Variants in STARD13 observed in about 807,000 individuals in gnomAD.
STARD13 encodes StAR related lipid transfer domain containing 13.
A neutral mutation model predicts 106.4 loss-of-function variants in STARD13; 62 were observed. The ratio of observed to expected loss-of-function variants is 0.58; its 90% CI spans 0.48 to 0.72. The LOEUF is 0.72. Ranked by LOEUF, STARD13 falls within the 30% of genes least tolerant of loss-of-function variation. The pLI, the probability that STARD13 is intolerant of heterozygous loss-of-function variation, is 0.00. For missense variants in STARD13, 1,387 were observed against 1,424.0 expected (o/e 0.97, Z 0.42); for synonymous variants, 565 against 553.0 (o/e 1.02, Z -0.31).
At chr13:33,226,132 C>T (rs957738529) in intron 1 of STARD13, among the ~76,000 whole-genome samples, 6 of 152,244 alleles carry the variant, frequency 3.9e-5, no homozygotes, top group African/African-American at 1.4e-4. Flanking sequence ...TGCTGGCATG[C>T]TGATATCAGA....
the STARD13 span, among the ~76,000 whole-genome samples, chr13:33,592,238 G>T: frequency 2.0e-5 from 3 of 152,114 alleles, no homozygotes; most frequent in African/African-American, 7.2e-5. Flanking sequence ...ATAAGTTTTT[G>T]GTTTTCCATG....
chr13:33,413,010 C>G, the STARD13 span, among the ~76,000 whole-genome samples: 2 of 152,282 alleles, frequency 1.3e-5, no homozygotes, highest in East Asian at 3.9e-4. Context: ...TAGACCTCAT[C>G]ATGGGCTGTA....
the STARD13 span, among the ~76,000 whole-genome samples, chr13:33,485,554 T>C: frequency 1.3e-5 from 2 of 152,284 alleles, no homozygotes; most frequent in East Asian, 1.9e-4. Flanking sequence ...TTGTGCTACA[T>C]GAAGATATTG....
chr13:33,524,669 C>T, the STARD13 span, among the ~76,000 whole-genome samples: 3 of 151,824 alleles, frequency 2.0e-5, no homozygotes, highest in Admixed American at 2.0e-4. Context: ...TTTTTTAAAA[C>T]TTTAAAAACA....
At position 33,208,663 on chromosome 13, in the gene STARD13, CCA is replaced by C. The variant is rs1566075032; in HGVS notation, c.170-41043_170-41042del. Among the ~76,000 whole-genome samples, 12 of 152,162 alleles carry C rather than the reference CCA, an allele frequency of 7.9e-5. No individual in the cohort carries two copies. In the East Asian group the frequency reaches 2.3e-3, roughly 30 times the overall value. ...TAAAGGGAAGCGTAGGCAGATGGCT[CCA>C]CTCAGGAGGCTATGGCAATTATTTC... On this transcript the variant is annotated intron_variant, in intron 1 of 13. Transcript: ENST00000336934.
the STARD13 span, among the ~76,000 whole-genome samples, chr13:33,367,095 T>TA: frequency 6.6e-6 from 1 of 152,220 alleles, no homozygotes; most frequent in Admixed American, 6.5e-5. Context: ...ATGGCAGCAT[T>TA]AACAGCATGC....
intron 1 of STARD13, among the ~76,000 whole-genome samples, chr13:33,298,988 C>T (rs1305619516): frequency 2.0e-5 from 3 of 152,184 alleles, no homozygotes; most frequent in Non-Finnish European, 4.4e-5. Flanking sequence ...CACCACATAA[C>T]GTTTTGCTTA....
intron 1 of STARD13, among the ~76,000 whole-genome samples, chr13:33,192,151 T>C (rs905428154): frequency 6.6e-6 from 1 of 152,230 alleles, no homozygotes; most frequent in African/African-American, 2.4e-5. Context: ...ATAGTTACTA[T>C]TGAAAAAACA....
the STARD13 span, chr13:33,355,661 G>A: frequency 6.6e-6 from 1 of 152,148 alleles, no homozygotes; most frequent in Non-Finnish European, 1.5e-5. Context: ...CCATTTCAGG[G>A]ACATGCTGTT....
Position 33,105,542 on chromosome 13 carries a change from T to C in STARD13, c.*51A>G, listed in dbSNP as rs576051353. ...CTCACATGCACACTCTCTGCCACAC[T>C]CGTCACTTTAGCTTCCTCTTCCCTG... On this transcript the variant is annotated 3_prime_UTR_variant, in exon 14 of 14. Coordinates refer to ENST00000336934, the MANE Select transcript of STARD13 (RefSeq NM_178006.4). The C allele has an allele frequency of 7.7e-7, 1 of 1,300,238 alleles. No homozygotes were observed. The highest frequency in any genetic ancestry group is 1.1e-6 in the Non-Finnish European group (1 of 893,356). The allele number at this position is 1,300,238 out of a possible 1,614,324, so 80.5% of individuals were successfully genotyped here.
the STARD13 span, among the ~76,000 whole-genome samples, chr13:33,367,164 A>G: frequency 1.3e-5 from 2 of 152,210 alleles, no homozygotes; most frequent in Non-Finnish European, 2.9e-5. Context: ...GGAAAAGCAT[A>G]TTTTTTATCA....
chr13:33,219,575 T>G (rs1337860013), intron 1 of STARD13, among the ~76,000 whole-genome samples: 1 of 139,698 alleles, frequency 7.2e-6, no homozygotes, highest in Non-Finnish European at 1.5e-5. Context: ...CTCACAGCTG[T>G]AATCCTAACA....
At chr13:33,374,218 T>C in the STARD13 span, among the ~76,000 whole-genome samples, 3 of 152,160 alleles carry the variant, frequency 2.0e-5, no homozygotes, top group South Asian at 6.2e-4. Context: ...TCCACTTGTA[T>C]GAGGTACTTA....
the STARD13 span, among the ~76,000 whole-genome samples, chr13:33,621,124 C>T: frequency 6.6e-6 from 1 of 151,782 alleles, no homozygotes. Context: ...ATTAAAAAAG[C>T]ATATAAACTG....
At chr13:33,278,336 T>G (rs1308151745) in intron 1 of STARD13, 1 of 152,188 alleles carries the variant, frequency 6.6e-6, no homozygotes, top group Admixed American at 6.6e-5. Flanking sequence ...GAAGCAGACT[T>G]ATAGAAATTG....
the STARD13 span, among the ~76,000 whole-genome samples, chr13:33,396,646 C>T: frequency 2.0e-4 from 31 of 152,228 alleles, 1 homozygote; most frequent in Non-Finnish European, 3.5e-4. Flanking sequence ...TGATTTTTAA[C>T]GACTGCCCCA....
chr13:33,501,821 A>G, the STARD13 span, among the ~76,000 whole-genome samples: 1 of 151,926 alleles, frequency 6.6e-6, no homozygotes. Context: ...TGATGCTTCC[A>G]GCTTTGTTCT....
At chr13:33,621,888 TC>T in the STARD13 span, among the ~76,000 whole-genome samples, 1,501 of 150,372 alleles carry the variant, frequency 1.0e-2, 10 homozygotes, top group South Asian at 0.017. Flanking sequence ...CACTGCAACC[TC>T]CCCCTCCCGG....
intron 1 of STARD13, among the ~76,000 whole-genome samples, chr13:33,214,748 A>G (rs1172716004): frequency 6.6e-6 from 1 of 150,508 alleles, no homozygotes; most frequent in African/African-American, 2.5e-5. Flanking sequence ...ATCCCCTGCA[A>G]TGGTAGCTAA....
Sources: allele counts gnomAD v4.1 joint callset (sites outside exome capture counted in the v4.1 genomes callset), GRCh38; gene constraint gnomAD v4.1.1; transcripts MANE v1.5; gene names NCBI Gene and HGNC (gene_info 2026-07-23, HGNC 2026-07-21).